SLC26A11: variants seen among roughly 807,000 people sequenced by gnomAD.
SLC26A11 encodes the protein solute carrier family 26 member 11, also known as sodium-independent sulfate anion transporter.
A neutral mutation model predicts 62.2 loss-of-function variants in SLC26A11; 58 were observed. That is an observed-to-expected ratio of 0.93 (90% CI 0.76 to 1.16). The LOEUF (loss-of-function observed/expected upper bound fraction) is 1.16, where lower values mean the gene tolerates loss of function less well. Among genes scored for constraint, SLC26A11 ranks in the 50% most tolerant of loss-of-function variants. The pLI, the probability that SLC26A11 is intolerant of heterozygous loss-of-function variation, is 0.00. For missense variants in SLC26A11, 790 were observed against 794.3 expected (o/e 0.99, Z 0.06); for synonymous variants, 411 against 368.9 (o/e 1.11, Z -1.31).
Position 80,222,712 on chromosome 17 carries a change from C to A in SLC26A11, c.292C>A (p.Arg98=). The change falls in exon 4 of 18, where the codon CGG becomes AGG. Residue 98 remains arginine, a synonymous_variant. Transcript: ENST00000361193. This position sits in a 1 kb window ranked among gnomAD's most constrained non-coding sequence, Gnocchi z 4.7. ...CGTGTATTTCTTCCTGGGCACCTCC[C>A]GGGATGTGACTCTGGGCCCCACCGC... ...CFVYFFLGTS[R]DVTLGPTAIM... is the part of the protein sequence containing the mutation. 6.2e-7 allele frequency: 1 copy of A among 1,614,094 alleles called. No homozygotes were observed. Among genetic ancestry groups the A allele is most frequent in the Non-Finnish European group, 8.5e-7 (1 of 1,180,024 alleles).
chr17:80,246,436 A>G lies in SLC26A11; in HGVS notation c.1154-73A>G, dbSNP rs934248550. 2.0e-5 allele frequency: 31 copies of G among 1,588,096 alleles called. No homozygotes were observed. Among genetic ancestry groups the G allele is most frequent in the Non-Finnish European group, 2.5e-5 (29 of 1,171,716 alleles). On this transcript the variant is annotated intron_variant, in intron 12 of 17. Transcript: ENST00000361193. The surrounding 1 kb of genome is among the most constrained non-coding windows in gnomAD (Gnocchi z 4.4). ...CCCTGTCCCCAGTGGGCTCTGCTGAACAAGAGGCTGCTACGCTGCGTGCTG... is the reference window on the plus strand; with the variant it reads ...CCCTGTCCCCAGTGGGCTCTGCTGAGCAAGAGGCTGCTACGCTGCGTGCTG...
chr17:80,224,390 AGT>A lies in SLC26A11; in HGVS notation c.513+1056_513+1057del, dbSNP rs377610497. On this transcript the variant is annotated intron_variant, in intron 5 of 17. Coordinates refer to ENST00000361193, the MANE Select transcript of SLC26A11 (RefSeq NM_001166347.2). The stretch of plus-strand genomic sequence containing the variant: ...GTGTGAGTGCGCGCGCGCGTGTGTG[AGT>A]GTATGAGTGTGAGAGTGAGTGTGAG... Among the ~76,000 whole-genome samples, 59 of 131,002 alleles carry A rather than the reference AGT, an allele frequency of 4.5e-4. 1 individual carries two copies. Among genetic ancestry groups the A allele is most frequent in the African/African-American group, 1.5e-3 (51 of 34,454 alleles). 85.9% of individuals were successfully genotyped at this position (131,002 alleles called of 152,430 possible). A position where few individuals can be genotyped will look rare whatever the true frequency, so the allele number is the denominator to read the frequency against.
chr17:80,247,081 A>AT (rs1213831105), intron 13 of SLC26A11, among the ~76,000 whole-genome samples: 1 of 144,106 alleles, frequency 6.9e-6, no homozygotes, highest in Non-Finnish European at 1.5e-5. Context: ...TATTATTTTT[A>AT]TTTTTTTTTA....
intron 10 of SLC26A11, 113 bp from the exon 11 acceptor site, chr17:80,245,083 C>A: frequency 1.1e-6 from 1 of 907,278 alleles, no homozygotes; most frequent in South Asian, 1.4e-5. Context: ...GGATGATTCT[C>A]CCGAGCCCTG....
rs1030082900 is a variant in SLC26A11 at position 80,222,584 on chromosome 17, G to C, written c.235-71G>C. On this transcript the variant is annotated intron_variant, in intron 3 of 17. Transcript: ENST00000361193. The surrounding 1 kb of genome is among the most constrained non-coding windows in gnomAD (Gnocchi z 4.7). ...GCTGACACCCACACATCCCGAGCTT[G>C]GACACGCACACTAGGGAGCTGGTGG... 2.7e-6 allele frequency: 4 copies of C among 1,482,872 alleles called. No homozygotes were observed. The highest frequency in any genetic ancestry group is 3.7e-6 in the Non-Finnish European group (4 of 1,077,220). The allele number at this position is 1,482,872 out of a possible 1,614,324, so 91.9% of individuals were successfully genotyped here.
Position 80,227,006 on chromosome 17 carries a change from G to A in SLC26A11, c.594-812G>A, listed in dbSNP as rs371980465. Among the ~76,000 whole-genome samples, 8 of 152,318 alleles carry A rather than the reference G, an allele frequency of 5.3e-5. No homozygotes were observed. The East Asian group carries it at 1.2e-3, about 22-fold the overall frequency. ...CCAGTGGGCAGGGGTCGGCCAGATG[G>A]GGGAGCAGTGATTACGGAGCCTGAC... is the stretch of plus-strand genomic sequence containing the variant. On this transcript the variant is annotated intron_variant, in intron 6 of 17. Coordinates refer to ENST00000361193, the MANE Select transcript of SLC26A11 (RefSeq NM_001166347.2).
intron 10 of SLC26A11, 114 bp downstream of exon 10, chr17:80,241,935 G>A (rs764964860): frequency 8.3e-7 from 1 of 1,208,398 alleles, no homozygotes; most frequent in Non-Finnish European, 1.2e-6. Context: ...GATGAACTGG[G>A]AGGGCAAAGG....
chr17:80,222,923 G>C lies in SLC26A11; in HGVS notation c.427+76G>C. On this transcript the variant is annotated intron_variant, in intron 4 of 17. Transcript: ENST00000361193. This position sits in a 1 kb window ranked among gnomAD's most constrained non-coding sequence, Gnocchi z 4.7. ...TTGTTTGCATTTCAAGTCTATCCCCGTGTGCGTGTGTGTGCGTGTTGGGGT... is the reference window on the plus strand; with the variant it reads ...TTGTTTGCATTTCAAGTCTATCCCCCTGTGCGTGTGTGTGCGTGTTGGGGT... The C allele has an allele frequency of 7.1e-7, 1 of 1,409,448 alleles. No individual in the cohort carries two copies. The highest frequency in any genetic ancestry group is 9.6e-7 in the Non-Finnish European group (1 of 1,044,104). 87.3% of individuals were successfully genotyped at this position (1,409,448 alleles called of 1,614,324 possible).
At chr17:80,249,320 C>T (rs1472345728) in intron 16 of SLC26A11, 33 bp downstream of exon 16, 2 of 1,603,570 alleles carry the variant, frequency 1.2e-6, no homozygotes, top group South Asian at 2.2e-5. Context: ...TAGGGGTTAG[C>T]AGCTGCCGGA....
chr17:80,221,281 G>A (rs2042174646), intron 2 of SLC26A11, 166 bp downstream of exon 2: 1 of 439,638 alleles, frequency 2.3e-6, no homozygotes, highest in Non-Finnish European at 4.0e-6. Context: ...TTATCTGGGA[G>A]AGTTGAGGAT....
In SLC26A11 at chr17:80,250,585, C is replaced by G. The variant is rs555861162; in HGVS notation, c.1657-744C>G. On this transcript the variant is annotated intron_variant, in intron 16 of 17. Coordinates refer to ENST00000361193, the MANE Select transcript of SLC26A11 (RefSeq NM_001166347.2). Reference sequence around the variant, plus strand: ...AGACATGGTGGCTCACACCTGTAATCCCAGCACTTTGAGAGGCCGAGGCGG... The same window carrying G: ...AGACATGGTGGCTCACACCTGTAATGCCAGCACTTTGAGAGGCCGAGGCGG... 4.6e-5 allele frequency among the ~76,000 whole-genome samples: 7 copies of G among 152,322 alleles called. No individual in the cohort carries two copies. The East Asian group carries it at 1.2e-3, about 25-fold the overall frequency.
At chr17:80,239,616 A>C (rs2042804009) in intron 9 of SLC26A11, among the ~76,000 whole-genome samples, 1 of 151,768 alleles carries the variant, frequency 6.6e-6, no homozygotes, top group Non-Finnish European at 1.5e-5. Context: ...TGACCTCGTG[A>C]TCTGCCTGCC....
chr17:80,224,442 A>AGG (rs33961786), intron 5 of SLC26A11, among the ~76,000 whole-genome samples: 1 of 120,250 alleles, frequency 8.3e-6, no homozygotes, highest in African/African-American at 3.6e-5. Flanking sequence ...TGTGGGTGTG[A>AGG]GAGTGTGAGT....
intron 7 of SLC26A11, among the ~76,000 whole-genome samples, chr17:80,229,137 C>T (rs775080575): frequency 3.3e-5 from 5 of 152,092 alleles, no homozygotes; most frequent in South Asian, 2.1e-4. Context: ...CTGCAAAATC[C>T]AACAGCCACA....
chr17:80,220,488 GC>G lies in SLC26A11; in HGVS notation c.-220del. 1 of 547,648 alleles carries G rather than the reference GC, an allele frequency of 1.8e-6. No individual in the cohort carries two copies. Among genetic ancestry groups the G allele is most frequent in the East Asian group, 3.6e-5 (1 of 28,026 alleles). The allele number at this position is 547,648 out of a possible 1,614,324, so 33.9% of individuals were successfully genotyped here. On this transcript the variant is annotated 5_prime_UTR_variant, in exon 1 of 18. Coordinates refer to ENST00000361193, the MANE Select transcript of SLC26A11 (RefSeq NM_001166347.2). ...ACGCCAGGAGACCCCAAGCTGCATCGCCGAGTGGGTGAGTCCGTGGCCCGCG... is the reference window on the plus strand; with the variant it reads ...ACGCCAGGAGACCCCAAGCTGCATCGCGAGTGGGTGAGTCCGTGGCCCGCG...
At chr17:80,249,057 T>C in intron 15 of SLC26A11, 97 bp from the exon 16 acceptor site, 1 of 1,450,464 alleles carries the variant, frequency 6.9e-7, no homozygotes, top group East Asian at 2.4e-5. Context: ...CTCTGGCCTC[T>C]CTGTCCCCTG....
intron 6 of SLC26A11, among the ~76,000 whole-genome samples, chr17:80,226,424 G>C (rs2042412929): frequency 6.6e-6 from 1 of 152,134 alleles, no homozygotes; most frequent in African/African-American, 2.4e-5. Context: ...CTGATGGCCG[G>C]ACACTGTGGC....
intron 7 of SLC26A11, among the ~76,000 whole-genome samples, chr17:80,232,094 T>C (rs1256158442): frequency 5.9e-5 from 9 of 152,326 alleles, no homozygotes; most frequent in Admixed American, 4.6e-4. Context: ...TTGTTTCATA[T>C]ATTTTGAAGC....
chr17:80,248,692 A>T lies in SLC26A11; in HGVS notation c.1522+18A>T. On this transcript the variant is annotated intron_variant, in intron 15 of 17. Coordinates refer to ENST00000361193, the MANE Select transcript of SLC26A11 (RefSeq NM_001166347.2). ...CCTGGAAGGTGCATGGGCGGGGGTC[A>T]AGGTGGTCTGAGGTCACTCCCCTGT... The T allele has an allele frequency of 6.4e-7, 1 of 1,555,710 alleles. No homozygotes were observed. Among genetic ancestry groups the T allele is most frequent in the Non-Finnish European group, 8.7e-7 (1 of 1,149,432 alleles).
Sources: gnomAD v4.1 joint callset for allele counts (sites outside exome capture counted in the v4.1 genomes callset) on GRCh38, gnomAD v4.1.1 for gene constraint, Gnocchi (gnomAD v3.1) non-coding constraint, MANE v1.5 for transcripts, NCBI Gene and HGNC (gene_info 2026-07-23, HGNC 2026-07-21) for gene names.